The following LRRC7 variants were observed in gnomAD, a reference collection of about 807,000 sequenced individuals.
LRRC7 encodes the protein leucine rich repeat containing 7, also known as leucine-rich repeat-containing protein 7.
In LRRC7, 23 loss-of-function variants were observed where a neutral mutation model predicts 175.7. The observed-to-expected ratio is 0.13, with a 90% CI of 0.09 to 0.19. LRRC7 has a LOEUF of 0.19. Among genes scored for constraint, LRRC7 ranks in the 10% least tolerant of loss-of-function variants. The pLI is 1.00. For synonymous variants in LRRC7, 685 were observed against 680.9 expected (o/e 1.01, Z -0.09); for missense variants, 1,354 against 1,904.7 (o/e 0.71, Z 5.38).
At chr1:69,746,572 GTTTA>G (rs919994548) in intron 2 of LRRC7, among the ~76,000 whole-genome samples, 41 of 151,468 alleles carry the variant, frequency 2.7e-4, no homozygotes, top group African/African-American at 9.9e-4. Context: ...TATTTGCTTT[GTTTA>G]TTTATTCATT....
chr1:69,694,503 A>G, intron 2 of LRRC7, among the ~76,000 whole-genome samples: 1 of 152,052 alleles, frequency 6.6e-6, no homozygotes, highest in East Asian at 1.9e-4. Context: ...TCTGTTAGAT[A>G]TCTTTAGGCT....
intron 26 of LRRC7, among the ~76,000 whole-genome samples, chr1:70,121,356 G>T (rs1023931445): frequency 1.7e-4 from 26 of 152,042 alleles, no homozygotes; most frequent in African/African-American, 5.3e-4. Flanking sequence ...GTCCAGTCAT[G>T]TTTGGCATGA....
intron 4 of LRRC7, among the ~76,000 whole-genome samples, chr1:69,805,014 A>G (rs569910556): frequency 6.6e-6 from 1 of 151,902 alleles, no homozygotes; most frequent in East Asian, 1.9e-4. Context: ...TTAATTTGAA[A>G]GTGCTTCTAA....
chr1:70,019,423 T>C (rs1043375152), intron 15 of LRRC7, among the ~76,000 whole-genome samples: 5 of 152,050 alleles, frequency 3.3e-5, no homozygotes, highest in African/African-American at 4.8e-5. Flanking sequence ...TTTTGTCCTT[T>C]GCTATTTGAA....
chr1:69,724,201 T>C (rs916402537), intron 2 of LRRC7, among the ~76,000 whole-genome samples: 3 of 152,164 alleles, frequency 2.0e-5, no homozygotes, highest in African/African-American at 7.2e-5. Flanking sequence ...ATTGTCTAAG[T>C]GTTGGGAATA....
intron 7 of LRRC7, among the ~76,000 whole-genome samples, chr1:69,897,970 TAGCG>T (rs1176266767): frequency 6.6e-6 from 1 of 152,200 alleles, no homozygotes; most frequent in Non-Finnish European, 1.5e-5. Flanking sequence ...GAGTAGATTA[TAGCG>T]GGCACAATGG....
At chr1:69,860,524 C>T (rs12035080) in intron 7 of LRRC7, among the ~76,000 whole-genome samples, 6,677 of 151,738 alleles carry the variant, frequency 0.044, 225 homozygotes, top group East Asian at 0.15. Context: ...AACCATATGG[C>T]CATACTATGT....
chr1:69,758,386 G>C (rs1670667446), intron 2 of LRRC7, among the ~76,000 whole-genome samples: 1 of 151,942 alleles, frequency 6.6e-6, no homozygotes, highest in Non-Finnish European at 1.5e-5. Flanking sequence ...TCATGAACCT[G>C]TCCCTAGAAT....
At position 69,576,227 on chromosome 1, in the gene LRRC7, G is replaced by GAA. The variant is rs59481658; in HGVS notation, c.2+7597_2+7598dup. Among the ~76,000 whole-genome samples, 458 of 146,130 alleles carry GAA rather than the reference G, an allele frequency of 3.1e-3. 1 individual carries two copies. Among genetic ancestry groups the GAA allele is most frequent in the Non-Finnish European group, 3.6e-3 (238 of 66,586 alleles). ...AGGCTGGGTGACAGAGTGACACTCT[G>GAA]AAAAAAAAAAAAGTTACTTTGGAAG... is the stretch of plus-strand genomic sequence containing the variant. On this transcript the variant is annotated intron_variant, in intron 1 of 26. Coordinates refer to ENST00000651989, the MANE Select transcript of LRRC7 (RefSeq NM_001370785.2).
chr1:69,907,318 A>T (rs1297201283), intron 7 of LRRC7, among the ~76,000 whole-genome samples: 2 of 152,138 alleles, frequency 1.3e-5, no homozygotes. Flanking sequence ...GTGGTGAGAG[A>T]GGGCATACCT....
chr1:69,600,774 G>A (rs1647022031), intron 1 of LRRC7, among the ~76,000 whole-genome samples: 2 of 124,890 alleles, frequency 1.6e-5, no homozygotes, highest in Non-Finnish European at 3.4e-5. Context: ...TTTAGAATTA[G>A]CCATTTCTCC....
intron 11 of LRRC7, among the ~76,000 whole-genome samples, chr1:69,995,672 C>T (rs563394886): frequency 5.9e-5 from 9 of 151,682 alleles, no homozygotes; most frequent in Middle Eastern, 6.8e-3. Flanking sequence ...TTTGTTCTTG[C>T]GATAGTTTAC....
intron 7 of LRRC7, among the ~76,000 whole-genome samples, chr1:69,860,055 C>T (rs947873376): frequency 2.0e-5 from 3 of 151,908 alleles, no homozygotes; most frequent in Non-Finnish European, 2.9e-5. Context: ...CATTCTATTC[C>T]TATTATGTTT....
chr1:70,005,127 A>G (rs1457886845), intron 11 of LRRC7, among the ~76,000 whole-genome samples: 2 of 151,962 alleles, frequency 1.3e-5, no homozygotes, highest in Non-Finnish European at 2.9e-5. Flanking sequence ...TTTACTCTTC[A>G]TTGAAACTCT....
chr1:69,691,453 C>T (rs976331594), intron 2 of LRRC7, among the ~76,000 whole-genome samples: 5 of 151,878 alleles, frequency 3.3e-5, no homozygotes, highest in Admixed American at 2.0e-4. Context: ...ATTTGGTATA[C>T]AGTCATCACT....
At chr1:70,111,698 GA>G (rs796590369) in intron 26 of LRRC7, among the ~76,000 whole-genome samples, 2 of 151,908 alleles carry the variant, frequency 1.3e-5, no homozygotes, top group African/African-American at 4.8e-5. Context: ...GAATAGACTG[GA>G]AAAAAATACA....
intron 3 of LRRC7, among the ~76,000 whole-genome samples, chr1:69,768,241 G>T (rs1671836411): frequency 6.6e-6 from 1 of 152,152 alleles, no homozygotes; most frequent in African/African-American, 2.4e-5. Context: ...GTTCATGACT[G>T]GTAAATGGGC....
chr1:69,883,260 T>A (rs1686821736), intron 7 of LRRC7, among the ~76,000 whole-genome samples: 1 of 146,894 alleles, frequency 6.8e-6, no homozygotes, highest in Non-Finnish European at 1.5e-5. Context: ...TTTCTCCACA[T>A]CCTCTCCAGC....
intron 7 of LRRC7, among the ~76,000 whole-genome samples, chr1:69,880,724 G>A (rs1299430460): frequency 6.6e-6 from 1 of 151,990 alleles, no homozygotes; most frequent in African/African-American, 2.4e-5. Flanking sequence ...GAAATTCAAA[G>A]GACTTTCATC....
Sources: gnomAD v4.1 joint callset for allele counts (sites outside exome capture counted in the v4.1 genomes callset) on GRCh38, gnomAD v4.1.1 for gene constraint, MANE v1.5 for transcripts, NCBI Gene and HGNC (gene_info 2026-07-23, HGNC 2026-07-21) for gene names.